Variants in PRKN observed in about 807,000 individuals in gnomAD.
PRKN encodes the protein parkin RBR E3 ubiquitin protein ligase.
In PRKN, 56 loss-of-function variants were observed where a neutral mutation model predicts 59.5. The ratio of observed to expected loss-of-function variants is 0.94; its 90% CI spans 0.76 to 1.18. The LOEUF (loss-of-function observed/expected upper bound fraction) is 1.18. Ranked by LOEUF, PRKN falls within the 50% of genes most tolerant of loss-of-function variation. The probability of loss-of-function intolerance (pLI) is 0.00; values close to 1 mark genes in which losing one functional copy is unlikely to be tolerated. For missense variants in PRKN, 657 were observed against 596.4 expected, an observed-to-expected ratio of 1.10 and a Z score of -1.06; for synonymous variants, 250 against 222.1, an observed-to-expected ratio of 1.13 and a Z score of -1.12.
At chr6:161,859,344 C>G (rs1273734202) in intron 6 of PRKN, among the ~76,000 whole-genome samples, 1 of 152,002 alleles carries the variant, frequency 6.6e-6, no homozygotes, top group Non-Finnish European at 1.5e-5. Flanking sequence ...GTGACTGACG[C>G]CTGTAATCCC....
chr6:161,542,127 A>G (rs574699047), intron 9 of PRKN, among the ~76,000 whole-genome samples: 20 of 152,358 alleles, frequency 1.3e-4, no homozygotes, highest in African/African-American at 4.8e-4. Flanking sequence ...AACAGAAAAT[A>G]CATTTTCTCT....
At chr6:161,907,241 T>C (rs9347562) in intron 6 of PRKN, among the ~76,000 whole-genome samples, 84,038 of 151,924 alleles carry the variant, frequency 0.55, 23,315 homozygotes, top group Middle Eastern at 0.66. Flanking sequence ...TGGTTCTAGA[T>C]GAATTTCACT....
chr6:161,920,884 A>G (rs1327407811), intron 6 of PRKN, among the ~76,000 whole-genome samples: 1 of 152,164 alleles, frequency 6.6e-6, no homozygotes, highest in Non-Finnish European at 1.5e-5. Context: ...GAGTGAGTGA[A>G]TGTGAAGGCC....
intron 7 of PRKN, among the ~76,000 whole-genome samples, chr6:161,669,616 C>T (rs1784839599): frequency 6.6e-6 from 1 of 152,216 alleles, no homozygotes; most frequent in African/African-American, 2.4e-5. Context: ...CACAGAGAGA[C>T]AGGTTCATTT....
rs957923896 is a variant in PRKN, at chr6:161,488,853, A to G, written c.1083+60001T>C. ...AGGGGACCATGAAAGAAAACAGTAC[A>G]TTAACCAGGAAAAGGATGGCTGATA... On this transcript the variant is annotated intron_variant, in intron 9 of 11. Transcript: ENST00000366898. This position sits in a 1 kb window ranked among gnomAD's most constrained non-coding sequence, Gnocchi z 4.5. Among the ~76,000 whole-genome samples, 10 of 152,150 alleles carry G rather than the reference A, an allele frequency of 6.6e-5. No individual in the cohort carries two copies. Among genetic ancestry groups the G allele is most frequent in the Non-Finnish European group, 1.5e-4 (10 of 68,022 alleles).
chr6:162,584,373 T>C (rs532039449), intron 1 of PRKN, among the ~76,000 whole-genome samples: 1 of 152,290 alleles, frequency 6.6e-6, no homozygotes, highest in African/African-American at 2.4e-5. Context: ...AATCTGTCAT[T>C]AGTCAATAAA....
intron 4 of PRKN, among the ~76,000 whole-genome samples, chr6:162,103,368 G>T (rs928331211): frequency 6.6e-6 from 1 of 152,102 alleles, no homozygotes; most frequent in Non-Finnish European, 1.5e-5. Flanking sequence ...TGTGAGGATG[G>T]TTTATCATCT....
chr6:162,190,252 T>C (rs1459066819), intron 4 of PRKN, among the ~76,000 whole-genome samples: 1 of 152,156 alleles, frequency 6.6e-6, no homozygotes, highest in Non-Finnish European at 1.5e-5. Flanking sequence ...TTAATTTTCA[T>C]AATTTCCTTT....
At chr6:162,198,274 C>G (rs546872698) in intron 4 of PRKN, among the ~76,000 whole-genome samples, 4 of 152,032 alleles carry the variant, frequency 2.6e-5, no homozygotes, top group African/African-American at 7.2e-5. Context: ...CTACAAAACA[C>G]AGGGATTGAA....
At chr6:161,809,500 C>A (rs542256769) in intron 6 of PRKN, among the ~76,000 whole-genome samples, 1 of 151,962 alleles carries the variant, frequency 6.6e-6, no homozygotes, top group South Asian at 2.1e-4. Context: ...AGAAATAAAG[C>A]GACAAAAAAA....
chr6:161,372,614 G>A lies in PRKN; in HGVS notation c.1168-12409C>T, dbSNP rs975509361. ...GGAGCTTCCCCATTAGCAGAACGGC[G>A]GCTCTCAGACCAGCGGCACCGGAAG... is the stretch of plus-strand genomic sequence containing the variant. On this transcript the variant is annotated intron_variant, in intron 10 of 11. Transcript: ENST00000366898. The surrounding 1 kb of genome is among the most constrained non-coding windows in gnomAD (Gnocchi z 4.2). Among the ~76,000 whole-genome samples the A allele has an allele frequency of 2.0e-5, 3 of 152,032 alleles. No homozygotes were observed. The highest frequency in any genetic ancestry group is 1.3e-4 in the Admixed American group (2 of 15,252).
At chr6:162,437,395 T>G (rs140385385) in intron 2 of PRKN, among the ~76,000 whole-genome samples, 1 of 152,324 alleles carries the variant, frequency 6.6e-6, no homozygotes, top group Non-Finnish European at 1.5e-5. Context: ...TTACACATTC[T>G]AACGCAGTTG....
intron 6 of PRKN, among the ~76,000 whole-genome samples, chr6:161,931,101 T>A (rs1168941046): frequency 6.6e-6 from 1 of 152,246 alleles, no homozygotes; most frequent in East Asian, 1.9e-4. Context: ...AGGTTGTTTT[T>A]GAATGAACGA....
At chr6:161,568,288 T>C (rs768628495) in intron 8 of PRKN, among the ~76,000 whole-genome samples, 2 of 152,172 alleles carry the variant, frequency 1.3e-5, no homozygotes, top group African/African-American at 2.4e-5. Flanking sequence ...AGACAATCTT[T>C]AGGAGTAAAA....
chr6:162,221,279 C>T (rs77499296), intron 3 of PRKN, among the ~76,000 whole-genome samples: 18,168 of 152,172 alleles, frequency 0.12, 1,705 homozygotes, highest in East Asian at 0.49. Context: ...GTTGATGACA[C>T]TGAATTTGCA....
At chr6:162,299,200 A>G (rs2128112452) in intron 2 of PRKN, among the ~76,000 whole-genome samples, 1 of 152,314 alleles carries the variant, frequency 6.6e-6, no homozygotes, top group South Asian at 2.1e-4. Flanking sequence ...TCGGGCAGAC[A>G]GAGACACTGT....
rs182561637 is a variant in PRKN at position 162,378,851 on chromosome 6, A to T, written c.171+64459T>A. Among the ~76,000 whole-genome samples, 15 of 152,324 alleles carry T rather than the reference A, an allele frequency of 9.8e-5. No individual in the cohort carries two copies. In the Middle Eastern group the frequency reaches 0.01, roughly 104 times the overall value. On this transcript the variant is annotated intron_variant, in intron 2 of 11. Transcript: ENST00000366898. ...GTCAGTTTTAAGATGATTCCTCAAA[A>T]ATGCCCCCAAATAAGACCTGGAAGG...
At position 161,377,308 on chromosome 6, in the gene PRKN, G is replaced by A. The variant is rs1039823521; in HGVS notation, c.1167+9486C>T. Among the ~76,000 whole-genome samples, 11 of 152,358 alleles carry A rather than the reference G, an allele frequency of 7.2e-5. No homozygotes were observed. The highest frequency in any genetic ancestry group is 2.1e-4 in the South Asian group (1 of 4,830). ...CCAGGCCCAAGCAGGCCCACGGGGC[G>A]TGAGCGAGCTGCACAAGCAGGTCCT... On this transcript the variant is annotated intron_variant, in intron 10 of 11. Coordinates refer to ENST00000366898, the MANE Select transcript of PRKN (RefSeq NM_004562.3). The surrounding 1 kb of genome is among the most constrained non-coding windows in gnomAD (Gnocchi z 4.2).
Position 161,616,563 on chromosome 6 carries a change from C to T in PRKN, c.872-47147G>A, listed in dbSNP as rs138161445. On this transcript the variant is annotated intron_variant, in intron 7 of 11. Coordinates refer to ENST00000366898, the MANE Select transcript of PRKN (RefSeq NM_004562.3). Reference sequence around the variant, plus strand: ...TCTCCTAATGCTATCCCTCCCCTAGCCCCCCACCACCCAACGGGCCCCAGT... The same window carrying T: ...TCTCCTAATGCTATCCCTCCCCTAGTCCCCCACCACCCAACGGGCCCCAGT... Among the ~76,000 whole-genome samples the T allele has an allele frequency of 9.0e-3, 1,363 of 152,132 alleles. 17 individuals are homozygous for T. The highest frequency in any genetic ancestry group is 0.03 in the African/African-American group (1,242 of 41,498).
Sources: allele counts gnomAD v4.1 joint callset (sites outside exome capture counted in the v4.1 genomes callset), GRCh38; gene constraint gnomAD v4.1.1; non-coding constraint Gnocchi (gnomAD v3.1); transcripts MANE v1.5; gene names NCBI Gene and HGNC (gene_info 2026-07-23, HGNC 2026-07-21).